Variants in PYROXD1 observed in about 807,000 individuals in gnomAD.
PYROXD1 encodes the protein pyridine nucleotide-disulphide oxidoreductase domain 1, also known as tRNA ligase complex-associated NAD(P)H dehydrogenase PYROXD1.
A neutral mutation model predicts 62.0 loss-of-function variants in PYROXD1; 42 were observed. That is an observed-to-expected ratio of 0.68 (90% CI 0.53 to 0.88). The LOEUF is 0.88. Ranked by LOEUF, PYROXD1 falls within the 40% of genes least tolerant of loss-of-function variation. The pLI is 0.00. For synonymous variants in PYROXD1, 170 were observed against 206.4 expected (o/e 0.82, Z 1.51); for missense variants, 493 against 604.8 (o/e 0.82, Z 1.94).
chr12:21,462,965 T>G (rs1942727036), intron 10 of PYROXD1, 103 bp downstream of exon 10: 1 of 1,174,220 alleles, frequency 8.5e-7, no homozygotes, highest in Non-Finnish European at 1.2e-6. Context: ...ACTTTTCTGC[T>G]TAAGTAGGAA....
chr12:21,438,012 G>A, intron 1 of PYROXD1, 198 bp downstream of exon 1: 2 of 589,330 alleles, frequency 3.4e-6, no homozygotes. Flanking sequence ...CTTAGGCGCA[G>A]GGAGGAGTGG....
chr12:21,469,963 G>GT lies in PYROXD1; in HGVS notation c.*1213dup. ...TTCTCAAATATTTTACATTTAAAGG[G>GT]TTTTACATAAAAATTTTTCCCTTGT... On this transcript the variant is annotated 3_prime_UTR_variant, in exon 12 of 12. Transcript: ENST00000240651. 1 of 460,322 alleles carries GT rather than the reference G, an allele frequency of 2.2e-6. No homozygotes were observed. The highest frequency in any genetic ancestry group is 3.6e-6 in the Non-Finnish European group (1 of 277,792). 28.5% of individuals were successfully genotyped at this position (460,322 alleles called of 1,614,324 possible).
chr12:21,458,143 G>A (rs1364144422), intron 7 of PYROXD1, among the ~76,000 whole-genome samples: 1 of 152,300 alleles, frequency 6.6e-6, no homozygotes, highest in East Asian at 1.9e-4. Flanking sequence ...GCTGTTTCAT[G>A]TACACTGAAA....
intron 6 of PYROXD1, 116 bp from the exon 7 acceptor site, chr12:21,455,879 C>G: frequency 1.5e-6 from 1 of 645,696 alleles, no homozygotes; most frequent in South Asian, 1.9e-5. Context: ...ATAGGTTAGT[C>G]ATGCTGTAAT....
At chr12:21,464,145 T>C (rs1295136220) in intron 10 of PYROXD1, among the ~76,000 whole-genome samples, 1 of 151,936 alleles carries the variant, frequency 6.6e-6, no homozygotes, top group African/African-American at 2.4e-5. Context: ...GGGTTTTTTT[T>C]TTTTTAACAT....
At chr12:21,452,196 A>G in intron 5 of PYROXD1, 42 bp downstream of exon 5, 1 of 1,235,102 alleles carries the variant, frequency 8.1e-7, no homozygotes, top group East Asian at 3.0e-5. Flanking sequence ...TAAATTGTTT[A>G]AAAATAATTT....
At chr12:21,455,381 A>G (rs1380120409) in intron 6 of PYROXD1, 89 bp downstream of exon 6, 1 of 758,728 alleles carries the variant, frequency 1.3e-6, no homozygotes, top group Non-Finnish European at 1.9e-6. Context: ...AATAAAATAA[A>G]TTTTGGAAAT....
At chr12:21,461,730 A>G (rs1942701215) in intron 8 of PYROXD1, among the ~76,000 whole-genome samples, 1 of 152,232 alleles carries the variant, frequency 6.6e-6, no homozygotes, top group Admixed American at 6.5e-5. Context: ...TTTAGAAATA[A>G]TTTAAATGTA....
intron 5 of PYROXD1, among the ~76,000 whole-genome samples, chr12:21,453,948 C>A (rs1464099609): frequency 1.3e-5 from 2 of 151,920 alleles, no homozygotes; most frequent in Non-Finnish European, 2.9e-5. Flanking sequence ...TGTGTGTATT[C>A]CACTTTCCGC....
intron 10 of PYROXD1, among the ~76,000 whole-genome samples, chr12:21,464,217 C>T (rs1057509129): frequency 6.6e-6 from 1 of 151,118 alleles, no homozygotes; most frequent in Non-Finnish European, 1.5e-5. Flanking sequence ...GGGAAAAAAT[C>T]CGAAAATAAA....
chr12:21,437,957 T>G, intron 1 of PYROXD1, 143 bp downstream of exon 1: 1 of 732,990 alleles, frequency 1.4e-6, no homozygotes, highest in Non-Finnish European at 2.2e-6. Flanking sequence ...GCTCCCAGAT[T>G]TTAGAAACTG....
intron 1 of PYROXD1, chr12:21,438,172 A>C: frequency 5.2e-6 from 1 of 193,664 alleles, no homozygotes; most frequent in Non-Finnish European, 1.1e-5. Context: ...ACGGAGTCTC[A>C]CTCTGTCGCC....
rs75247397 is a variant in PYROXD1, at chr12:21,456,295, G to A, written c.750+200G>A. On this transcript the variant is annotated intron_variant, in intron 7 of 11. Coordinates refer to ENST00000240651, the MANE Select transcript of PYROXD1 (RefSeq NM_024854.5). ...ACTGAATGTCAAAGCATCGAAGACT[G>A]GATCTCAGCCTACGTTTTAACTCTT... Among the ~76,000 whole-genome samples the A allele has an allele frequency of 5.9e-3, 900 of 152,190 alleles. 7 individuals carry two copies. The highest frequency in any genetic ancestry group is 9.0e-3 in the Non-Finnish European group (613 of 67,984).
At chr12:21,462,704 TCTTAACA>T (rs1237823915) in intron 9 of PYROXD1, 29 bp from the exon 10 acceptor site, 2 of 1,608,024 alleles carry the variant, frequency 1.2e-6, no homozygotes, top group African/African-American at 2.7e-5. Context: ...GTTTCATTTT[TCTTAACA>T]CTTAACGCTT....
chr12:21,449,234 A>C (rs1389433183), intron 3 of PYROXD1, among the ~76,000 whole-genome samples: 1 of 152,210 alleles, frequency 6.6e-6, no homozygotes, highest in East Asian at 1.9e-4. Context: ...ACGTGGGGTC[A>C]ACATACCTTT....
At chr12:21,445,812 A>G (rs1380583928) in intron 3 of PYROXD1, among the ~76,000 whole-genome samples, 1 of 152,166 alleles carries the variant, frequency 6.6e-6, no homozygotes, top group African/African-American at 2.4e-5. Flanking sequence ...GAACATGCAT[A>G]CTATAATTAT....
At chr12:21,443,560 C>T (rs1342196819) in intron 2 of PYROXD1, among the ~76,000 whole-genome samples, 1 of 152,086 alleles carries the variant, frequency 6.6e-6, no homozygotes, top group Non-Finnish European at 1.5e-5. Flanking sequence ...TTTGCCCTGA[C>T]ATCCCAATAT....
intron 2 of PYROXD1, among the ~76,000 whole-genome samples, chr12:21,444,187 G>C (rs993175749): frequency 1.3e-5 from 2 of 152,136 alleles, no homozygotes; most frequent in Non-Finnish European, 2.9e-5. Context: ...TGTAGTATTA[G>C]GTTAATACTT....
intron 2 of PYROXD1, 79 bp downstream of exon 2, chr12:21,440,527 A>G: frequency 7.7e-6 from 6 of 783,304 alleles, no homozygotes; most frequent in Non-Finnish European, 6.3e-6. Context: ...GTAATTGTGT[A>G]TTTTTTTCTT....
Sources: allele counts gnomAD v4.1 joint callset (sites outside exome capture counted in the v4.1 genomes callset), GRCh38; gene constraint gnomAD v4.1.1; transcripts MANE v1.5; gene names NCBI Gene and HGNC (gene_info 2026-07-23, HGNC 2026-07-21).